Variants in IL1RAPL1 observed in about 807,000 individuals in gnomAD.
IL1RAPL1 encodes the protein interleukin-1 receptor accessory protein-like 1.
Under a neutral mutation model 48.4 loss-of-function variants are expected in IL1RAPL1, and 3 were observed. The ratio of observed to expected loss-of-function variants is 0.06; its 90% CI spans 0.03 to 0.16. The LOEUF (loss-of-function observed/expected upper bound fraction) is 0.16, where lower values mean the gene tolerates loss of function less well. Among genes scored for constraint, IL1RAPL1 ranks in the 10% least tolerant of loss-of-function variants. The probability of loss-of-function intolerance (pLI) is 1.00; values close to 1 mark genes in which losing one functional copy is unlikely to be tolerated. For synonymous variants in IL1RAPL1, 185 were observed against 187.7 expected (o/e 0.99, Z 0.12); for missense variants, 349 against 530.6 (o/e 0.66, Z 3.36).
intron 2 of IL1RAPL1, among the ~76,000 whole-genome samples, chrX:29,050,192 A>G (rs1236026325): frequency 8.9e-6 from 1 of 111,869 alleles, no homozygotes; most frequent in Non-Finnish European, 1.9e-5. Flanking sequence ...AACTATAGGC[A>G]TACACCACAC....
intron 6 of IL1RAPL1, among the ~76,000 whole-genome samples, chrX:29,802,785 G>GTGTATATATATATATATATA (rs1929966835): frequency 2.9e-4 from 6 of 20,895 alleles, no homozygotes; most frequent in African/African-American, 1.2e-3. Context: ...ATATATATGT[G>GTGTATATATATATATATATA]TGTGTGTATA....
At chrX:28,629,792 G>T (rs1934379589) in intron 1 of IL1RAPL1, among the ~76,000 whole-genome samples, 1 of 111,565 alleles carries the variant, frequency 9.0e-6, no homozygotes, top group Admixed American at 9.6e-5. Flanking sequence ...AACACTACCT[G>T]GGCCTCGAGT....
chrX:28,614,252 A>G (rs1934186385), intron 1 of IL1RAPL1, among the ~76,000 whole-genome samples: 1 of 111,758 alleles, frequency 8.9e-6, no homozygotes, highest in Non-Finnish European at 1.9e-5. Context: ...ATTAATTTCC[A>G]CAAAACCAAA....
chrX:28,947,509 C>A (rs1274992721), intron 2 of IL1RAPL1, among the ~76,000 whole-genome samples: 1 of 110,176 alleles, frequency 9.1e-6, no homozygotes, highest in South Asian at 3.9e-4. Flanking sequence ...ACAATGAGAA[C>A]AGTTGGACAC....
chrX:29,271,278 G>A (rs1569274207), intron 2 of IL1RAPL1, among the ~76,000 whole-genome samples: 1 of 112,016 alleles, frequency 8.9e-6, no homozygotes, highest in African/African-American at 3.2e-5. Context: ...TGGGCATGTA[G>A]GTTGATTCTA....
At chrX:29,040,341 C>T (rs1926819764) in intron 2 of IL1RAPL1, among the ~76,000 whole-genome samples, 1 of 112,129 alleles carries the variant, frequency 8.9e-6, no homozygotes, top group African/African-American at 3.2e-5. Flanking sequence ...CCAAAAGAGT[C>T]CTCTTGCTTA....
chrX:29,736,311 G>C (rs1245722106), intron 6 of IL1RAPL1, among the ~76,000 whole-genome samples: 2 of 112,129 alleles, frequency 1.8e-5, no homozygotes, highest in Non-Finnish European at 3.8e-5. Context: ...GATGTCTTGA[G>C]CCCAGGATTT....
chrX:29,232,149 T>C (rs1931212978), intron 2 of IL1RAPL1, among the ~76,000 whole-genome samples: 1 of 111,823 alleles, frequency 8.9e-6, no homozygotes, highest in Non-Finnish European at 1.9e-5. Flanking sequence ...AAATATATAT[T>C]AAATGTTAGT....
intron 6 of IL1RAPL1, among the ~76,000 whole-genome samples, chrX:29,694,033 A>G (rs1356233382): frequency 9.0e-6 from 1 of 111,615 alleles, no homozygotes; most frequent in Non-Finnish European, 1.9e-5. Context: ...ATTTAAGGAA[A>G]ACCCGTACAT....
chrX:29,337,510 G>A (rs1364803711), intron 3 of IL1RAPL1, among the ~76,000 whole-genome samples: 1 of 111,077 alleles, frequency 9.0e-6, no homozygotes, highest in Non-Finnish European at 1.9e-5. Flanking sequence ...TTGAGTTTAT[G>A]CTTATTATAT....
intron 3 of IL1RAPL1, among the ~76,000 whole-genome samples, chrX:29,374,945 G>A (rs1933601471): frequency 9.1e-6 from 1 of 109,419 alleles, no homozygotes; most frequent in Non-Finnish European, 1.9e-5. Flanking sequence ...TCAAAGTCCA[G>A]ATAATACTGA....
intron 5 of IL1RAPL1, among the ~76,000 whole-genome samples, chrX:29,421,594 TAA>T (rs1491325362): frequency 2.8e-5 from 3 of 108,717 alleles, no homozygotes; most frequent in Non-Finnish European, 3.8e-5. Flanking sequence ...GACTAAGCCA[TAA>T]GAGAGAGAGA....
chrX:29,356,040 TTA>T (rs1933296943), intron 3 of IL1RAPL1, among the ~76,000 whole-genome samples: 1 of 111,922 alleles, frequency 8.9e-6, no homozygotes, highest in African/African-American at 3.2e-5. Context: ...TCATCTTAAA[TTA>T]TCTTTGAAAT....
intron 2 of IL1RAPL1, among the ~76,000 whole-genome samples, chrX:29,002,062 A>AT (rs948555336): frequency 9.8e-4 from 106 of 107,692 alleles, no homozygotes; most frequent in Middle Eastern, 4.9e-3. Flanking sequence ...TGTCCGGCTA[A>AT]TTTTTTTTTG....
chrX:29,214,578 C>CA (rs1422627380), intron 2 of IL1RAPL1, among the ~76,000 whole-genome samples: 1 of 111,263 alleles, frequency 9.0e-6, no homozygotes, highest in Non-Finnish European at 1.9e-5. Flanking sequence ...CCTCACTACT[C>CA]AAAAAATCTT....
intron 6 of IL1RAPL1, among the ~76,000 whole-genome samples, chrX:29,915,458 G>A (rs1932790354): frequency 8.9e-6 from 1 of 111,840 alleles, no homozygotes; most frequent in Admixed American, 9.5e-5. Flanking sequence ...AAGAGAATAC[G>A]ATTTTATCCT....
At chrX:29,349,460 T>G (rs1024517196) in intron 3 of IL1RAPL1, among the ~76,000 whole-genome samples, 1 of 111,575 alleles carries the variant, frequency 9.0e-6, no homozygotes, top group African/African-American at 3.3e-5. Flanking sequence ...GATTCTAGTT[T>G]CTATGGCCAG....
chrX:29,241,421 A>G (rs984217714), intron 2 of IL1RAPL1, among the ~76,000 whole-genome samples: 7 of 111,588 alleles, frequency 6.3e-5, no homozygotes, highest in African/African-American at 2.3e-4. Context: ...TTTAAAAATG[A>G]GTTTAAGAGG....
chrX:29,800,467 C>T (rs2147167009), intron 6 of IL1RAPL1, among the ~76,000 whole-genome samples: 1 of 106,309 alleles, frequency 9.4e-6, no homozygotes, highest in South Asian at 4.3e-4. Flanking sequence ...CTGTTTCTTT[C>T]TGTATTATAG....
Sources: gnomAD v4.1 joint callset for allele counts (sites outside exome capture counted in the v4.1 genomes callset) on GRCh38, gnomAD v4.1.1 for gene constraint, MANE v1.5 for transcripts, NCBI Gene and HGNC (gene_info 2026-07-23, HGNC 2026-07-21) for gene names.